Variants in ARHGAP35 observed in about 807,000 individuals in gnomAD.
The protein encoded by ARHGAP35 is rho GTPase-activating protein 35.
ARHGAP35 carries 15 observed loss-of-function variants against 111.1 expected under a neutral mutation model. The observed-to-expected ratio is 0.13, with a 90% CI of 0.09 to 0.21. The LOEUF is 0.21. ARHGAP35 is among the 10% of genes least tolerant of loss of function. ARHGAP35 has a pLI of 1.00. For synonymous variants in ARHGAP35, 643 were observed against 710.3 expected, an observed-to-expected ratio of 0.91 and a Z score of 1.51; for missense variants, 1,262 against 1,873.0, an observed-to-expected ratio of 0.67 and a Z score of 6.02.
chr19:46,878,794 C>T (rs372395801), intron 1 of ARHGAP35, among the ~76,000 whole-genome samples: 36 of 152,292 alleles, frequency 2.4e-4, no homozygotes, highest in African/African-American at 8.4e-4. Flanking sequence ...TTAAAAAATG[C>T]TGGTGATCAT....
chr19:46,884,883 CT>C (rs2055985667), intron 1 of ARHGAP35, among the ~76,000 whole-genome samples: 1 of 152,066 alleles, frequency 6.6e-6, no homozygotes, highest in Non-Finnish European at 1.5e-5. Flanking sequence ...TGCCTGGCTA[CT>C]TTTTAAAATT....
rs913380305 is a variant in ARHGAP35 at position 46,915,856 on chromosome 19, T to C, written c.-188-2632T>C. Among the ~76,000 whole-genome samples, 15 of 152,272 alleles carry C rather than the reference T, an allele frequency of 9.9e-5. No homozygotes were observed. In the South Asian group the frequency reaches 2.9e-3, roughly 29 times the overall value. ...TGTTTAACTTAAGCTGTTAAAACTT[T>C]AGGTTCTTTAAGGTGCCATTTTTTT... is the stretch of plus-strand genomic sequence containing the variant. On this transcript the variant is annotated intron_variant, in intron 1 of 6. Transcript: ENST00000672722.
At chr19:46,912,842 A>G (rs1451435086) in intron 1 of ARHGAP35, among the ~76,000 whole-genome samples, 1 of 151,232 alleles carries the variant, frequency 6.6e-6, no homozygotes, top group Admixed American at 6.6e-5. Context: ...AAATGCAAAC[A>G]TTTTAACCAG....
In ARHGAP35 at chr19:47,000,619, T is replaced by C. The variant is rs1255307460; in HGVS notation, c.4431T>C (p.Pro1477=). The change falls in exon 7 of 7, where the codon CCT becomes CCC. Residue 1477 remains proline, a synonymous_variant. Transcript: ENST00000672722. This position sits in a 1 kb window ranked among gnomAD's most constrained non-coding sequence, Gnocchi z 6.9. Reference sequence around the variant, plus strand: ...GTCAGCCGTCGCCCCCACAGTCGCCTCCACCCACCCCCCAGTCCCCAATGC... The same window carrying C: ...GTCAGCCGTCGCCCCCACAGTCGCCCCCACCCACCCCCCAGTCCCCAATGC... ...VTSQPSPPQS[P]PPTPQSPMQP... 1.9e-6 allele frequency: 3 copies of C among 1,594,550 alleles called. No individual in the cohort carries two copies. Among genetic ancestry groups the C allele is most frequent in the East Asian group, 2.3e-5 (1 of 44,238 alleles).
intron 1 of ARHGAP35, among the ~76,000 whole-genome samples, chr19:46,864,417 C>A (rs2055844889): frequency 6.6e-6 from 1 of 152,004 alleles, no homozygotes; most frequent in Admixed American, 6.5e-5. Context: ...CCTGCTGTGG[C>A]CTAGGGCAAT....
chr19:47,000,596 C>T lies in ARHGAP35; in HGVS notation c.4408C>T (p.Gln1470Ter). ...PFLTSTPVTS[Q>*]PSPPQSPPPT... is the part of the protein sequence containing the mutation. Reference sequence around the variant, plus strand: ...CCTCACTTCCACGCCTGTCACAAGTCAGCCGTCGCCCCCACAGTCGCCTCC... The same window carrying T: ...CCTCACTTCCACGCCTGTCACAAGTTAGCCGTCGCCCCCACAGTCGCCTCC... Residue 1470 changes from glutamine (Q) to a stop codon, truncating the protein, a stop_gained, in exon 7 of 7, where the codon CAG becomes TAG. Transcript: ENST00000672722. LOFTEE classifies it high-confidence loss of function. The surrounding 1 kb of genome is among the most constrained non-coding windows in gnomAD (Gnocchi z 6.9). 1 of 1,613,534 alleles carries T rather than the reference C, an allele frequency of 6.2e-7. No individual in the cohort carries two copies. Among genetic ancestry groups the T allele is most frequent in the Non-Finnish European group, 8.5e-7 (1 of 1,179,798 alleles).
chr19:46,922,167 G>T lies in ARHGAP35; in HGVS notation c.3492G>T (p.Arg1164=), dbSNP rs147079247. The change falls in exon 2 of 7, where the codon CGG becomes CGT. Residue 1164 remains arginine (R), a synonymous_variant. Coordinates refer to ENST00000672722, the MANE Select transcript of ARHGAP35 (RefSeq NM_004491.5). This position sits in a 1 kb window ranked among gnomAD's most constrained non-coding sequence, Gnocchi z 4.0. ...KPVLYRTRCT[R]LGRFASYRTS... ...TGCTGTACAGGACGAGATGCACCCG[G>T]CTGGGGCGGTTTGCTAGTTACCGGA... 16,326 of 1,614,006 alleles carry T rather than the reference G, an allele frequency of 0.01. 116 individuals are homozygous for T. The highest frequency in any genetic ancestry group is 0.012 in the Non-Finnish European group (13,965 of 1,179,898).
At chr19:46,966,296 C>G (rs955900002) in intron 3 of ARHGAP35, among the ~76,000 whole-genome samples, 1 of 152,202 alleles carries the variant, frequency 6.6e-6, no homozygotes, top group South Asian at 2.1e-4. Flanking sequence ...TGCCTGTAAT[C>G]CCAACACTTT....
chr19:46,873,189 T>G (rs1329413047), intron 1 of ARHGAP35, among the ~76,000 whole-genome samples: 1 of 152,074 alleles, frequency 6.6e-6, no homozygotes, highest in African/African-American at 2.4e-5. Flanking sequence ...GGAAAGGACT[T>G]TACACTTTCC....
chr19:46,872,842 C>T (rs1235347694), intron 1 of ARHGAP35, among the ~76,000 whole-genome samples: 1 of 148,472 alleles, frequency 6.7e-6, no homozygotes, highest in Non-Finnish European at 1.5e-5. Context: ...GATTGTGCCA[C>T]TACACTCCGG....
rs112373325 is a variant in ARHGAP35, at chr19:46,982,407, G to A, written c.3827-5582G>A. Among the ~76,000 whole-genome samples, 3 of 151,984 alleles carry A rather than the reference G, an allele frequency of 2.0e-5. 1 individual carries two copies. The highest frequency in any genetic ancestry group is 7.2e-5 in the African/African-American group (3 of 41,456). On this transcript the variant is annotated intron_variant, in intron 3 of 6. Transcript: ENST00000672722. Reference sequence around the variant, plus strand: ...CATGAGAATCGCTTGAACCCAGGAGGCGGAGGTTGCAGTGAGCCGAGATTG... The same window carrying A: ...CATGAGAATCGCTTGAACCCAGGAGACGGAGGTTGCAGTGAGCCGAGATTG...
At chr19:46,906,396 C>T (rs1049853031) in intron 1 of ARHGAP35, among the ~76,000 whole-genome samples, 2 of 152,218 alleles carry the variant, frequency 1.3e-5, no homozygotes, top group African/African-American at 2.4e-5. Context: ...TTAAAACCTG[C>T]CAGTTCCATC....
Position 46,999,724 on chromosome 19 carries a change from G to A in ARHGAP35, c.4142+315G>A, listed in dbSNP as rs1002120872. 7 of 358,800 alleles carry A rather than the reference G, an allele frequency of 2.0e-5. No individual in the cohort carries two copies. The highest frequency in any genetic ancestry group is 3.6e-5 in the Non-Finnish European group (7 of 196,928). 22.2% of individuals were successfully genotyped at this position (358,800 alleles called of 1,614,324 possible). ...AGGCCTGTGTCCCAAAGCTGGCAGA[G>A]AGAGAAGATCTTCTGGTTGGTACTG... On this transcript the variant is annotated intron_variant, in intron 6 of 6. Transcript: ENST00000672722. This position sits in a 1 kb window ranked among gnomAD's most constrained non-coding sequence, Gnocchi z 5.4.
chr19:46,898,163 A>T (rs536518839), intron 1 of ARHGAP35, among the ~76,000 whole-genome samples: 3 of 151,058 alleles, frequency 2.0e-5, no homozygotes, highest in African/African-American at 7.3e-5. Context: ...AATCACTTGA[A>T]CCTGGGAGGC....
intron 1 of ARHGAP35, among the ~76,000 whole-genome samples, chr19:46,863,713 C>T (rs552346021): frequency 1.3e-4 from 20 of 151,944 alleles, no homozygotes; most frequent in Admixed American, 1.2e-3. Flanking sequence ...TTACCTCTAG[C>T]TGGGGAAATG....
rs112008743 is a variant in ARHGAP35, at chr19:46,898,775, AGCTGCTGCTGCT to A, written c.-188-19687_-188-19676del. Among the ~76,000 whole-genome samples, 93 of 150,910 alleles carry A rather than the reference AGCTGCTGCTGCT, an allele frequency of 6.2e-4. 2 individuals are homozygous for A. Among genetic ancestry groups the A allele is most frequent in the African/African-American group, 1.7e-3 (68 of 41,064 alleles). ...ACCCAGGAGCCTCCATGCACAGATGAGCTGCTGCTGCTGCTGCTGCTGCTGCTGCTGCTGCTG... is the reference window on the plus strand; with the variant it reads ...ACCCAGGAGCCTCCATGCACAGATGAGCTGCTGCTGCTGCTGCTGCTGCTG... On this transcript the variant is annotated intron_variant, in intron 1 of 6. Coordinates refer to ENST00000672722, the MANE Select transcript of ARHGAP35 (RefSeq NM_004491.5).
In ARHGAP35 at chr19:46,989,782, T is replaced by G. The variant is rs1218155034; in HGVS notation, c.4036+107T>G. The G allele has an allele frequency of 6.5e-7, 1 of 1,549,768 alleles. No individual in the cohort carries two copies. Among genetic ancestry groups the G allele is most frequent in the African/African-American group, 1.4e-5 (1 of 73,746 alleles). Reference sequence around the variant, plus strand: ...GATGCTGGCTGTTAGAGCTGAGGTTTGAAGGACAGAGGGCAAGGGAATTAA... The same window carrying G: ...GATGCTGGCTGTTAGAGCTGAGGTTGGAAGGACAGAGGGCAAGGGAATTAA... On this transcript the variant is annotated intron_variant, in intron 5 of 6. Coordinates refer to ENST00000672722, the MANE Select transcript of ARHGAP35 (RefSeq NM_004491.5). This position sits in a 1 kb window ranked among gnomAD's most constrained non-coding sequence, Gnocchi z 5.3.
intron 5 of ARHGAP35, among the ~76,000 whole-genome samples, chr19:46,990,421 G>A (rs542158460): frequency 1.6e-4 from 25 of 152,348 alleles, no homozygotes; most frequent in African/African-American, 4.8e-4. Context: ...CTCTCAGAGC[G>A]TCCCACCATG....
Position 46,916,200 on chromosome 19 carries a change from T to C in ARHGAP35, c.-188-2288T>C, listed in dbSNP as rs141891973. Among the ~76,000 whole-genome samples, 15 of 152,072 alleles carry C rather than the reference T, an allele frequency of 9.9e-5. 1 individual carries two copies. The highest frequency in any genetic ancestry group is 3.6e-4 in the African/African-American group (15 of 41,474). On this transcript the variant is annotated intron_variant, in intron 1 of 6. Coordinates refer to ENST00000672722, the MANE Select transcript of ARHGAP35 (RefSeq NM_004491.5). ...GCATCCGCCTCGGCCTCCCAAAGTG[T>C]TGGAATTACAGGCGTGAGCCACCGC... is the stretch of plus-strand genomic sequence containing the variant.
Sources: allele counts gnomAD v4.1 joint callset (sites outside exome capture counted in the v4.1 genomes callset), GRCh38; gene constraint gnomAD v4.1.1; non-coding constraint Gnocchi (gnomAD v3.1); transcripts MANE v1.5; gene names NCBI Gene and HGNC (gene_info 2026-07-23, HGNC 2026-07-21).